ADGRG4: variants seen among roughly 807,000 people sequenced by gnomAD.
ADGRG4 encodes the protein G protein-coupled receptor 112.
A neutral mutation model predicts 126.2 loss-of-function variants in ADGRG4; 122 were observed. The ratio of observed to expected loss-of-function variants is 0.97; its 90% confidence interval spans 0.83 to 1.12. The LOEUF (loss-of-function observed/expected upper bound fraction) is 1.12, where lower values mean the gene tolerates loss of function less well. Ranked by LOEUF, ADGRG4 falls within the 50% of genes most tolerant of loss-of-function variation. The pLI, the probability that ADGRG4 is intolerant of heterozygous loss-of-function variation, is 0.00. For synonymous variants in ADGRG4, 943 were observed against 838.7 expected (o/e 1.12, Z -2.15); for missense variants, 2,481 against 2,251.8 (o/e 1.10, Z -2.06).
At chrX:136,394,919 C>T (rs2075338407) in intron 18 of ADGRG4, among the ~76,000 whole-genome samples, 1 of 111,589 alleles carries the variant, frequency 9.0e-6, no homozygotes, top group South Asian at 3.8e-4. Context: ...CTCTAATTGG[C>T]CCTGCAGAGC....
intron 1 of ADGRG4, among the ~76,000 whole-genome samples, chrX:136,301,251 G>A (rs1289456938): frequency 8.9e-6 from 1 of 111,986 alleles, no homozygotes; most frequent in Non-Finnish European, 1.9e-5. Context: ...AGCACCTGTT[G>A]TTTCCTGACT....
chrX:136,365,565 A>C (rs1286332783), intron 13 of ADGRG4, among the ~76,000 whole-genome samples: 2 of 111,932 alleles, frequency 1.8e-5, no homozygotes, highest in Non-Finnish European at 3.8e-5. Context: ...ATATGTTTTC[A>C]ATTTTCTCGG....
At chrX:136,330,430 C>T (rs1479728717) in intron 5 of ADGRG4, among the ~76,000 whole-genome samples, 32 of 107,802 alleles carry the variant, frequency 3.0e-4, no homozygotes, top group African/African-American at 9.2e-4. Flanking sequence ...AAGAGCCATC[C>T]GGGTTGTTGA....
At chrX:136,363,160 A>T (rs1468346179) in intron 12 of ADGRG4, among the ~76,000 whole-genome samples, 2 of 111,697 alleles carry the variant, frequency 1.8e-5, no homozygotes, top group Non-Finnish European at 3.8e-5. Context: ...CAGTGAGAGG[A>T]AAGAGTCATG....
Position 136,414,216 on chromosome X carries a change from A to C in ADGRG4, c.9094A>C (p.Ile3032Leu). ...ATATAAACAGGAGGGACTAAAGAAAATCTTTGAGCACAAACTGTTGACGCC... is the reference window on the plus strand; with the variant it reads ...ATATAAACAGGAGGGACTAAAGAAACTCTTTGAGCACAAACTGTTGACGCC... ...VGYKQEGLKK[I>L]FEHKLLTPSL... is the part of the protein sequence containing the mutation. The change falls in exon 25 of 26, where the codon ATC becomes CTC. Residue 3032 changes from isoleucine to leucine, a missense_variant. By Grantham distance (5) the Ile-to-Leu change is conservative. Coordinates refer to ENST00000394143, the MANE Select transcript of ADGRG4 (RefSeq NM_153834.4). The C allele has an allele frequency of 8.3e-7, 1 of 1,206,049 alleles. No individual in the cohort carries two copies. Among genetic ancestry groups the C allele is most frequent in the South Asian group, 1.8e-5 (1 of 56,359 alleles).
At chrX:136,312,403 G>A (rs1226671087) in intron 4 of ADGRG4, among the ~76,000 whole-genome samples, 3 of 111,980 alleles carry the variant, frequency 2.7e-5, no homozygotes, top group African/African-American at 9.7e-5. Flanking sequence ...AAGGCAGGTG[G>A]ATCACTTGAG....
intron 15 of ADGRG4, among the ~76,000 whole-genome samples, chrX:136,374,234 C>A (rs983767775): frequency 1.8e-5 from 2 of 109,090 alleles, no homozygotes; most frequent in Non-Finnish European, 3.8e-5. Flanking sequence ...AATATTCCAA[C>A]GACTGGGTAC....
At position 136,346,134 on chromosome X, in the gene ADGRG4, C is replaced by T. The variant is rs192088813; in HGVS notation, c.2428C>T (p.Gln810Ter). 1 of 1,207,758 alleles carries T rather than the reference C, an allele frequency of 8.3e-7. No homozygotes were observed. Among genetic ancestry groups the T allele is most frequent in the Non-Finnish European group, 1.1e-6 (1 of 893,645 alleles). Residue 810 changes from glutamine to a stop codon, truncating the protein, a stop_gained, in exon 6 of 26, where the codon CAA becomes TAA. Transcript: ENST00000394143. LOFTEE classifies it high-confidence loss of function. Reference sequence around the variant, plus strand: ...TGAGGAAAGTGCTTCTGAGACCACACAAACAGAAATAAATGGTGCAATTGT... The same window carrying T: ...TGAGGAAAGTGCTTCTGAGACCACATAAACAGAAATAAATGGTGCAATTGT... ...STEESASETT[Q>*]TEINGAIVFG... is the part of the protein sequence containing the mutation.
At chrX:136,363,112 G>A (rs908558342) in intron 12 of ADGRG4, among the ~76,000 whole-genome samples, 4 of 111,526 alleles carry the variant, frequency 3.6e-5, no homozygotes, top group East Asian at 5.7e-4. Context: ...GACCACATTC[G>A]AACAGGAATT....
chrX:136,373,212 T>A (rs922038845), intron 15 of ADGRG4, 148 bp downstream of exon 15: 6 of 478,379 alleles, frequency 1.3e-5, no homozygotes, highest in Admixed American at 1.2e-4. Context: ...GATTCGTATA[T>A]AATCTTTAGT....
Position 136,416,555 on chromosome X carries a change from C to T in ADGRG4, c.*64C>T. The T allele has an allele frequency of 1.1e-6, 1 of 915,754 alleles. No individual in the cohort carries two copies. 75.5% of individuals were successfully genotyped at this position (915,754 alleles called of 1,213,427 possible). A position where few individuals can be genotyped will look rare whatever the true frequency, so the allele number is the denominator to read the frequency against. On this transcript the variant is annotated 3_prime_UTR_variant, in exon 26 of 26. Transcript: ENST00000394143. Reference sequence around the variant, plus strand: ...TACCTGTGGAAATAAAAATGAATTCCAAGTGTATACTTGCTCGGGTGATGG... The same window carrying T: ...TACCTGTGGAAATAAAAATGAATTCTAAGTGTATACTTGCTCGGGTGATGG...
chrX:136,363,726 C>A (rs1364153107), intron 13 of ADGRG4, 131 bp downstream of exon 13: 2 of 480,748 alleles, frequency 4.2e-6, no homozygotes, highest in African/African-American at 2.4e-5. Flanking sequence ...AATTTCAGAA[C>A]AAAGGTAATT....
Position 136,363,586 on chromosome X carries a change from A to G in ADGRG4, c.7387A>G (p.Ile2463Val). Residue 2463 changes from isoleucine to valine, a missense_variant, in exon 13 of 26, where the codon ATA (isoleucine) becomes GTA (valine). Physicochemically the swap from Ile to Val is conservative, Grantham distance 29 (BLOSUM62 3). Transcript: ENST00000394143. ...GATTGTGGATCTTGCTAATATTACC[A>G]TAAGTGATGGTAAGATTGTTTTGTA... ...DKIVDLANITISDENAEDVAE... is the reference protein window; with the variant it reads ...DKIVDLANITVSDENAEDVAE... The G allele has an allele frequency of 9.1e-7, 1 of 1,097,874 alleles. No homozygotes were observed. Among genetic ancestry groups the G allele is most frequent in the Non-Finnish European group, 1.3e-6 (1 of 792,014 alleles). 90.5% of individuals were successfully genotyped at this position (1,097,874 alleles called of 1,213,427 possible). A position where few individuals can be genotyped will look rare whatever the true frequency, so the allele number is the denominator to read the frequency against.
chrX:136,403,356 G>A (rs768469105), intron 22 of ADGRG4, 34 bp downstream of exon 22: 6 of 1,074,773 alleles, frequency 5.6e-6, no homozygotes, highest in Non-Finnish European at 7.8e-6. Context: ...TCTGGTGGTG[G>A]GGCTCTGGCC....
intron 5 of ADGRG4, among the ~76,000 whole-genome samples, chrX:136,342,124 A>G (rs1017607052): frequency 2.7e-5 from 3 of 110,958 alleles, no homozygotes; most frequent in African/African-American, 9.8e-5. Flanking sequence ...TGCCTTCCCA[A>G]TTTTTCTGTT....
intron 5 of ADGRG4, among the ~76,000 whole-genome samples, chrX:136,324,436 G>T (rs2074859967): frequency 9.1e-6 from 1 of 110,098 alleles, no homozygotes. Flanking sequence ...AAGACACAGG[G>T]TCTCACTCTA....
In ADGRG4 at chrX:136,416,702, A is replaced by G. The variant is rs1400979416; in HGVS notation, c.*211A>G. On this transcript the variant is annotated 3_prime_UTR_variant, in exon 26 of 26. Coordinates refer to ENST00000394143, the MANE Select transcript of ADGRG4 (RefSeq NM_153834.4). Reference sequence around the variant, plus strand: ...AAATAAAAAGCAAAACAAAAATCCCAAAATGAATTCCATTCACAAACAGAA... The same window carrying G: ...AAATAAAAAGCAAAACAAAAATCCCGAAATGAATTCCATTCACAAACAGAA... 1.3e-5 allele frequency: 4 copies of G among 298,689 alleles called. No individual in the cohort carries two copies. The highest frequency in any genetic ancestry group is 5.8e-6 in the Non-Finnish European group (1 of 171,886). 24.6% of individuals were successfully genotyped at this position (298,689 alleles called of 1,213,427 possible).
At chrX:136,307,922 A>AATGAAATG (rs1179906373) in intron 3 of ADGRG4, among the ~76,000 whole-genome samples, 4 of 112,450 alleles carry the variant, frequency 3.6e-5, no homozygotes, top group African/African-American at 1.3e-4. Flanking sequence ...GGGTGAACAT[A>AATGAAATG]ATGAAATGGT....
chrX:136,334,505 G>A (rs1415803899), intron 5 of ADGRG4, among the ~76,000 whole-genome samples: 1 of 111,913 alleles, frequency 8.9e-6, no homozygotes, highest in African/African-American at 3.3e-5. Context: ...AATATTGATA[G>A]GAATTGGATT....
Sources: gnomAD v4.1 joint callset for allele counts (sites outside exome capture counted in the v4.1 genomes callset) on GRCh38, gnomAD v4.1.1 for gene constraint, MANE v1.5 for transcripts, NCBI Gene and HGNC (gene_info 2026-07-23, HGNC 2026-07-21) for gene names.